DENND4C: variants seen among roughly 807,000 people sequenced by gnomAD.
DENND4C encodes the protein DENN domain-containing protein 4C.
Under a neutral mutation model 203.0 loss-of-function variants are expected in DENND4C, and 108 were observed. The ratio of observed to expected loss-of-function variants is 0.53; its 90% CI spans 0.46 to 0.62. The LOEUF (loss-of-function observed/expected upper bound fraction) is 0.62, where lower values mean the gene tolerates loss of function less well. Ranked by LOEUF, DENND4C falls within the 20% of genes least tolerant of loss-of-function variation. The pLI is 0.00. For missense variants in DENND4C, 2,481 were observed against 2,301.2 expected (o/e 1.08, Z -1.60); for synonymous variants, 871 against 792.4 (o/e 1.10, Z -1.67).
chr9:19,331,134 A>G (rs1819042677), intron 16 of DENND4C, among the ~76,000 whole-genome samples: 1 of 152,120 alleles, frequency 6.6e-6, no homozygotes. Flanking sequence ...CTAAATCTGA[A>G]TGAAAACCAG....
Position 19,332,154 on chromosome 9 carries a change from G to C in DENND4C, c.2430G>C (p.Met810Ile), listed in dbSNP as rs781219228. ...LQQAYDVLIKMRKTDVDPLDE... is the reference protein window; with the variant it reads ...LQQAYDVLIKIRKTDVDPLDE... ...AGGCATATGATGTACTTATTAAGAT[G>C]AGGAAAACAGATGTGGATCCCTTAG... Residue 810 changes from methionine to isoleucine, a missense_variant, in exon 17 of 33, where the codon ATG (methionine) becomes ATC (isoleucine). Transcript: ENST00000434457. The C allele has an allele frequency of 1.2e-6, 2 of 1,613,952 alleles. No homozygotes were observed. The highest frequency in any genetic ancestry group is 1.7e-6 in the Non-Finnish European group (2 of 1,179,940).
chr9:19,284,512 T>A (rs1295949248), intron 2 of DENND4C, among the ~76,000 whole-genome samples: 1 of 152,190 alleles, frequency 6.6e-6, no homozygotes, highest in African/African-American at 2.4e-5. Context: ...AATGTGTAAA[T>A]AATTTTGTTA....
chr9:19,356,788 TGAGAGAGA>T (rs60635871), intron 26 of DENND4C, among the ~76,000 whole-genome samples, 176 bp from the exon 27 acceptor site: 36 of 140,416 alleles, frequency 2.6e-4, no homozygotes, highest in South Asian at 2.5e-3. Context: ...TGTGTGTGTG[TGAGAGAGA>T]GAGAGAGAGA....
At chr9:19,301,173 C>G (rs774084816) in intron 9 of DENND4C, among the ~76,000 whole-genome samples, 1 of 148,632 alleles carries the variant, frequency 6.7e-6, no homozygotes, top group Non-Finnish European at 1.5e-5. Flanking sequence ...AGTGAAACTC[C>G]GTCTCAAAAA....
chr9:19,322,541 C>A (rs1041205938), intron 12 of DENND4C, among the ~76,000 whole-genome samples: 1 of 151,762 alleles, frequency 6.6e-6, no homozygotes, highest in Non-Finnish European at 1.5e-5. Context: ...GTGGGCGGAT[C>A]ACGAGGTCAG....
chr9:19,260,645 C>T (rs1169247260), intron 1 of DENND4C, among the ~76,000 whole-genome samples: 2 of 152,140 alleles, frequency 1.3e-5, no homozygotes, highest in Admixed American at 6.6e-5. Context: ...GATCCACCCG[C>T]CTTGGTCTCC....
chr9:19,327,145 C>G lies in DENND4C; in HGVS notation c.2121-885C>G, dbSNP rs535445627. On this transcript the variant is annotated intron_variant, in intron 15 of 32. Transcript: ENST00000434457. ...TTCATGTTAACTATAGAATTCTTTT[C>G]TGCTTTGGCTTAACTACAAGAAATT... Among the ~76,000 whole-genome samples the G allele has an allele frequency of 4.6e-5, 7 of 152,140 alleles. No individual in the cohort carries two copies. The East Asian group carries it at 1.2e-3, about 25-fold the overall frequency.
intron 30 of DENND4C, among the ~76,000 whole-genome samples, chr9:19,365,389 G>C (rs1052180535): frequency 6.6e-6 from 1 of 152,114 alleles, no homozygotes; most frequent in African/African-American, 2.4e-5. Context: ...GAATAGAGAA[G>C]ATCTTCCTCC....
intron 26 of DENND4C, among the ~76,000 whole-genome samples, chr9:19,354,704 C>T (rs991762511): frequency 1.3e-5 from 2 of 151,072 alleles, no homozygotes; most frequent in African/African-American, 4.9e-5. Flanking sequence ...CACCACCATG[C>T]CCAGCTAATT....
In DENND4C at chr9:19,346,523, C is replaced by T. The variant is rs749337466; in HGVS notation, c.3754C>T (p.Pro1252Ser). ...QREDVETGLD[P>S]LSLLATECTG... is the part of the protein sequence containing the mutation. ...GGAAGATGTTGAAACTGGACTAGAT[C>T]CTTTGTCTCTTTTAGCCACTGAATG... Residue 1252 changes from proline (P) to serine (S), a missense_variant, in exon 23 of 33, where the codon CCT becomes TCT. Physicochemically the swap from Pro to Ser is moderately conservative, Grantham distance 74. Coordinates refer to ENST00000434457, the MANE Select transcript of DENND4C (RefSeq NM_001330640.2). 3.1e-6 allele frequency: 5 copies of T among 1,613,964 alleles called. No homozygotes were observed. Among genetic ancestry groups the T allele is most frequent in the Non-Finnish European group, 4.2e-6 (5 of 1,180,034 alleles).
intron 20 of DENND4C, chr9:19,337,783 C>G (rs1268181675): frequency 2.0e-6 from 1 of 500,780 alleles, no homozygotes; most frequent in Non-Finnish European, 3.3e-6. Flanking sequence ...ATTTTCTTGC[C>G]TTTTCTCCTT....
Position 19,350,857 on chromosome 9 carries a change from A to C in DENND4C, c.4473A>C (p.Val1491=), listed in dbSNP as rs1414583002. ...GCAGTAGCAGCAGTAGTGGAGATGT[A>C]GGAAAACTGCATTATCCAACAGGTA... is the stretch of plus-strand genomic sequence containing the variant. ...SLGSSSSSGD[V]GKLHYPTGEV... is the part of the protein sequence containing the mutation. Residue 1491 remains valine (V), a synonymous_variant, in exon 24 of 33, where the codon GTA becomes GTC. Coordinates refer to ENST00000434457, the MANE Select transcript of DENND4C (RefSeq NM_001330640.2). 6.2e-7 allele frequency: 1 copy of C among 1,613,850 alleles called. No homozygotes were observed. The highest frequency in any genetic ancestry group is 1.3e-5 in the African/African-American group (1 of 75,058).
intron 2 of DENND4C, among the ~76,000 whole-genome samples, chr9:19,282,006 T>A (rs558812549): frequency 6.6e-6 from 1 of 152,160 alleles, no homozygotes; most frequent in South Asian, 2.1e-4. Flanking sequence ...AGTGAGTGAG[T>A]GTTGAGTGAA....
At chr9:19,315,489 G>A (rs895972256) in intron 10 of DENND4C, among the ~76,000 whole-genome samples, 17 of 146,788 alleles carry the variant, frequency 1.2e-4, no homozygotes, top group Admixed American at 3.4e-4. Flanking sequence ...TATATTCTTG[G>A]AATATATATA....
At chr9:19,289,412 A>G (rs573290860) in intron 4 of DENND4C, among the ~76,000 whole-genome samples, 25 of 152,378 alleles carry the variant, frequency 1.6e-4, no homozygotes, top group African/African-American at 5.5e-4. Context: ...GAAGTCAGGC[A>G]AATTCATATC....
intron 6 of DENND4C, 150 bp downstream of exon 6, chr9:19,296,396 GCT>G: frequency 1.7e-6 from 1 of 578,814 alleles, no homozygotes. Flanking sequence ...ATGGAGTATT[GCT>G]CTGTCACCCA....
intron 9 of DENND4C, among the ~76,000 whole-genome samples, chr9:19,301,940 A>G (rs1369420369): frequency 6.6e-6 from 1 of 152,182 alleles, no homozygotes; most frequent in Non-Finnish European, 1.5e-5. Flanking sequence ...CGTCTCAAAA[A>G]AAATAAGTTC....
At chr9:19,247,788 C>T (rs1421276122) in intron 1 of DENND4C, among the ~76,000 whole-genome samples, 1 of 152,202 alleles carries the variant, frequency 6.6e-6, no homozygotes, top group Non-Finnish European at 1.5e-5. Flanking sequence ...CTCAAACCTA[C>T]CCTTTTCTCA....
chr9:19,239,597 C>T (rs1310931892), intron 1 of DENND4C, among the ~76,000 whole-genome samples: 1 of 152,028 alleles, frequency 6.6e-6, no homozygotes, highest in African/African-American at 2.4e-5. Flanking sequence ...AGCAGTTCTC[C>T]TGTCTCAGCC....
Sources: allele counts gnomAD v4.1 joint callset (sites outside exome capture counted in the v4.1 genomes callset), GRCh38; gene constraint gnomAD v4.1.1; transcripts MANE v1.5; gene names NCBI Gene and HGNC (gene_info 2026-07-23, HGNC 2026-07-21).